Variants in CNTNAP2 observed in about 807,000 individuals in gnomAD.
CNTNAP2 encodes contactin-associated protein-like 2.
Under a neutral mutation model 155.2 loss-of-function variants are expected in CNTNAP2, and 98 were observed. The observed-to-expected ratio is 0.63, with a 90% CI of 0.54 to 0.75. CNTNAP2 has a LOEUF of 0.75. Among genes scored for constraint, CNTNAP2 ranks in the 30% least tolerant of loss-of-function variants. The pLI is 0.00. For synonymous variants in CNTNAP2, 651 were observed against 631.2 expected (o/e 1.03, Z -0.47); for missense variants, 1,727 against 1,688.1 (o/e 1.02, Z -0.40).
At chr7:147,396,182 C>CT (rs148255697) in intron 10 of CNTNAP2, among the ~76,000 whole-genome samples, 1 of 145,450 alleles carries the variant, frequency 6.9e-6, no homozygotes, top group South Asian at 2.1e-4. Context: ...ATATATATAG[C>CT]ATATATATAT....
chr7:146,240,953 A>G (rs767553276), intron 1 of CNTNAP2, among the ~76,000 whole-genome samples: 5 of 152,186 alleles, frequency 3.3e-5, no homozygotes, highest in Non-Finnish European at 5.9e-5. Context: ...GCTTTTACTC[A>G]TGGCAGAAGG....
At chr7:146,417,989 T>TA (rs1240499997) in intron 1 of CNTNAP2, among the ~76,000 whole-genome samples, 2 of 152,068 alleles carry the variant, frequency 1.3e-5, no homozygotes, top group Non-Finnish European at 2.9e-5. Flanking sequence ...TTGGGGGATA[T>TA]AAAAAAGGCA....
chr7:146,364,329 A>G (rs1434677518), intron 1 of CNTNAP2, among the ~76,000 whole-genome samples: 2 of 152,144 alleles, frequency 1.3e-5, no homozygotes, highest in East Asian at 3.9e-4. Flanking sequence ...AGTCAATTTG[A>G]AGCCCGGAGA....
In CNTNAP2 at chr7:146,494,618, C is replaced by A. The variant is rs987521368; in HGVS notation, c.98-279653C>A. Reference sequence around the variant, plus strand: ...AACCAACAGTTAGGAGGGTATAGTACTGTGTGATATATGTATGACTGCTAT... The same window carrying A: ...AACCAACAGTTAGGAGGGTATAGTAATGTGTGATATATGTATGACTGCTAT... On this transcript the variant is annotated intron_variant, in intron 1 of 23. Coordinates refer to ENST00000361727, the MANE Select transcript of CNTNAP2 (RefSeq NM_014141.6). Among the ~76,000 whole-genome samples the A allele has an allele frequency of 7.9e-5, 12 of 152,156 alleles. No individual in the cohort carries two copies. The East Asian group carries it at 2.1e-3, about 27-fold the overall frequency.
intron 1 of CNTNAP2, among the ~76,000 whole-genome samples, chr7:146,565,901 A>C (rs1798349611): frequency 6.6e-6 from 1 of 152,238 alleles, no homozygotes; most frequent in Admixed American, 6.5e-5. Flanking sequence ...ATTATGGTAT[A>C]TTTATCCCAT....
At chr7:147,875,696 A>T (rs1474464117) in intron 13 of CNTNAP2, among the ~76,000 whole-genome samples, 1 of 152,216 alleles carries the variant, frequency 6.6e-6, no homozygotes, top group Non-Finnish European at 1.5e-5. Flanking sequence ...GTTCAAGGCC[A>T]GCCTGGGCAA....
rs551684429 is a variant in CNTNAP2, at chr7:146,906,287, G to C, written c.402+66383G>C. 3.6e-3 allele frequency among the ~76,000 whole-genome samples: 548 copies of C among 152,342 alleles called. 3 individuals are homozygous for C. Among genetic ancestry groups the C allele is most frequent in the African/African-American group, 0.012 (515 of 41,584 alleles). Reference sequence around the variant, plus strand: ...CAAAGCAGCCAGGAAGCTGGAACTGGGTGGAGCCCACCACAGCTCAAGGAG... The same window carrying C: ...CAAAGCAGCCAGGAAGCTGGAACTGCGTGGAGCCCACCACAGCTCAAGGAG... On this transcript the variant is annotated intron_variant, in intron 3 of 23. Transcript: ENST00000361727.
At chr7:147,514,551 AAGTT>A (rs1799082327) in intron 11 of CNTNAP2, among the ~76,000 whole-genome samples, 2 of 152,048 alleles carry the variant, frequency 1.3e-5, no homozygotes, top group South Asian at 4.2e-4. Flanking sequence ...CAAGGGAATG[AAGTT>A]TAATGGACTG....
At chr7:147,484,186 T>C (rs1798472369) in intron 10 of CNTNAP2, among the ~76,000 whole-genome samples, 1 of 152,186 alleles carries the variant, frequency 6.6e-6, no homozygotes, top group Non-Finnish European at 1.5e-5. Flanking sequence ...GTAGCCTTGA[T>C]AACACTGAGC....
At chr7:147,278,680 A>G (rs1393283363) in intron 8 of CNTNAP2, among the ~76,000 whole-genome samples, 1 of 151,634 alleles carries the variant, frequency 6.6e-6, no homozygotes, top group Non-Finnish European at 1.5e-5. Context: ...TTATAAGGAA[A>G]AATAAAGCAT....
At chr7:148,287,874 C>T (rs1162275121) in intron 21 of CNTNAP2, among the ~76,000 whole-genome samples, 2 of 148,778 alleles carry the variant, frequency 1.3e-5, no homozygotes, top group Admixed American at 6.8e-5. Flanking sequence ...TCACTGCAAC[C>T]TCCACCTCCC....
intron 3 of CNTNAP2, among the ~76,000 whole-genome samples, chr7:146,887,629 T>A (rs1467607020): frequency 6.6e-6 from 1 of 152,148 alleles, no homozygotes; most frequent in Non-Finnish European, 1.5e-5. Context: ...GAAATTTTGT[T>A]GAAATCCAGG....
At chr7:147,571,108 A>T (rs1344493398) in intron 12 of CNTNAP2, among the ~76,000 whole-genome samples, 1 of 152,040 alleles carries the variant, frequency 6.6e-6, no homozygotes, top group African/African-American at 2.4e-5. Context: ...AATTAGTATG[A>T]TTTTTAGTTC....
chr7:146,546,949 G>A (rs1211010976), intron 1 of CNTNAP2, among the ~76,000 whole-genome samples: 1 of 151,910 alleles, frequency 6.6e-6, no homozygotes, highest in Non-Finnish European at 1.5e-5. Context: ...CAAACCATAT[G>A]AGATCATTCT....
intron 15 of CNTNAP2, among the ~76,000 whole-genome samples, chr7:148,085,095 A>C (rs1803697038): frequency 6.6e-6 from 1 of 152,236 alleles, no homozygotes; most frequent in Admixed American, 6.5e-5. Flanking sequence ...GTACACACTC[A>C]ATTTATATTT....
At chr7:146,254,168 AAC>A (rs1260087084) in intron 1 of CNTNAP2, among the ~76,000 whole-genome samples, 4 of 146,492 alleles carry the variant, frequency 2.7e-5, no homozygotes, top group African/African-American at 7.9e-5. Flanking sequence ...CACACAAGCA[AAC>A]ACACACAATA....
chr7:147,095,186 A>ATTTTTT lies in CNTNAP2; in HGVS notation c.551-12945_551-12940dup, dbSNP rs36113270. Among the ~76,000 whole-genome samples, 13 of 114,514 alleles carry ATTTTTT rather than the reference A, an allele frequency of 1.1e-4. 1 individual carries two copies. Among genetic ancestry groups the ATTTTTT allele is most frequent in the Non-Finnish European group, 1.6e-4 (9 of 55,640 alleles). 75.1% of individuals were successfully genotyped at this position (114,514 alleles called of 152,430 possible). On this transcript the variant is annotated intron_variant, in intron 4 of 23. Transcript: ENST00000361727. ...AGGCATGCACCACCACGCCTGGCTA[A>ATTTTTT]TTTTTTTTTTTTTTTTTTTTTGTAT...
chr7:147,858,913 G>A (rs1799089607), intron 13 of CNTNAP2, among the ~76,000 whole-genome samples: 2 of 152,122 alleles, frequency 1.3e-5, no homozygotes, highest in African/African-American at 4.8e-5. Flanking sequence ...AAGTTATTTT[G>A]TTTGAAGCTA....
chr7:146,977,350 A>T (rs1797932481), intron 3 of CNTNAP2, among the ~76,000 whole-genome samples: 1 of 152,208 alleles, frequency 6.6e-6, no homozygotes, highest in Non-Finnish European at 1.5e-5. Context: ...GACTTCCTGT[A>T]AGAATGAATA....
Sources: allele counts gnomAD v4.1 joint callset (sites outside exome capture counted in the v4.1 genomes callset), GRCh38; gene constraint gnomAD v4.1.1; transcripts MANE v1.5; gene names NCBI Gene and HGNC (gene_info 2026-07-23, HGNC 2026-07-21).